The following NUMA1 variants were observed in gnomAD, a reference collection of about 807,000 sequenced individuals.
NUMA1 encodes the protein nuclear mitotic apparatus protein 1, also known as SP-H antigen.
NUMA1 carries 62 observed loss-of-function variants against 237.1 expected under a neutral mutation model. That is an observed-to-expected ratio of 0.26 (90% CI 0.21 to 0.32). NUMA1 has a LOEUF of 0.32. Ranked by LOEUF, NUMA1 falls within the 10% of genes least tolerant of loss-of-function variation. The pLI, the probability that NUMA1 is intolerant of heterozygous loss-of-function variation, is 1.00. For synonymous variants in NUMA1, 1,028 were observed against 1,066.1 expected (o/e 0.96, Z 0.70); for missense variants, 2,533 against 2,666.5 (o/e 0.95, Z 1.10).
At position 72,016,422 on chromosome 11, in the gene NUMA1, C is replaced by T. The variant is rs145461809; in HGVS notation, c.1228G>A (p.Gly410Ser). The T allele has an allele frequency of 2.0e-5, 33 of 1,613,926 alleles. No individual in the cohort carries two copies. In the African/African-American group the frequency reaches 4.1e-4, roughly 20 times the overall value. ...TGCATTCCTACCTGCAAGACATCACCCAGCACCTCGCCCTTCTCCTGGGGT... is the reference window on the plus strand; with the variant it reads ...TGCATTCCTACCTGCAAGACATCACTCAGCACCTCGCCCTTCTCCTGGGGT... ...NPPQEKGEVL[G>S]DVLQLETLKQ... Residue 410 changes from glycine to serine, a missense_variant, in exon 14 of 27, where the codon GGT becomes AGT. Gly to Ser is a moderately conservative substitution (Grantham distance 56). This residue lies in a region of NUMA1 where 1,414 missense variants were observed against 1,508.1 expected (regional missense o/e 0.94). Coordinates refer to ENST00000393695, the MANE Select transcript of NUMA1 (RefSeq NM_006185.4).
intron 5 of NUMA1, 31 bp from the exon 6 acceptor site, chr11:72,023,178 G>A: frequency 2.0e-6 from 3 of 1,485,382 alleles, no homozygotes; most frequent in South Asian, 1.1e-5. Context: ...AAAACAGGGT[G>A]AACTTCCTGG....
chr11:72,003,458 CAGT>C lies in NUMA1; in HGVS notation c.*66_*68del. On this transcript the variant is annotated 3_prime_UTR_variant, in exon 27 of 27. Transcript: ENST00000393695. Reference sequence around the variant, plus strand: ...AGCTGAGAGAAGGCACTGAGAGGGACAGTAGGCGGAGGACCAGGTGAGGTCAGC... The same window carrying C: ...AGCTGAGAGAAGGCACTGAGAGGGACAGGCGGAGGACCAGGTGAGGTCAGC... 6.8e-7 allele frequency: 1 copy of C among 1,476,294 alleles called. No individual in the cohort carries two copies. The allele number at this position is 1,476,294 out of a possible 1,614,324, so 91.4% of individuals were successfully genotyped here.
intron 2 of NUMA1, among the ~76,000 whole-genome samples, chr11:72,048,174 G>A (rs1160863515): frequency 6.6e-6 from 1 of 152,040 alleles, no homozygotes; most frequent in Non-Finnish European, 1.5e-5. Flanking sequence ...TCCGCTCACC[G>A]CAACCTCTGC....
chr11:72,060,962 C>G (rs1047965131), intron 2 of NUMA1, among the ~76,000 whole-genome samples: 10 of 152,164 alleles, frequency 6.6e-5, no homozygotes, highest in African/African-American at 1.9e-4. Context: ...CCCAGCTACT[C>G]AGGAGGCTGA....
At chr11:72,012,003 A>G (rs748601153) in intron 16 of NUMA1, among the ~76,000 whole-genome samples, 3 of 152,220 alleles carry the variant, frequency 2.0e-5, no homozygotes, top group African/African-American at 7.2e-5. Context: ...AAGGGACACC[A>G]TGTTAAACAA....
At chr11:72,079,669 A>C (rs1260842329) in intron 1 of NUMA1, among the ~76,000 whole-genome samples, 1 of 152,164 alleles carries the variant, frequency 6.6e-6, no homozygotes, top group East Asian at 1.9e-4. Context: ...TATAGTCATA[A>C]ATTTGTACTC....
At chr11:72,033,735 C>T (rs1481482920) in intron 3 of NUMA1, among the ~76,000 whole-genome samples, 1 of 152,080 alleles carries the variant, frequency 6.6e-6, no homozygotes, top group African/African-American at 2.4e-5. Flanking sequence ...TAAAACTAGT[C>T]TTAGGCCAGG....
At chr11:72,005,683 G>T (rs1427051174) in intron 22 of NUMA1, 3 of 492,956 alleles carry the variant, frequency 6.1e-6, no homozygotes, top group Non-Finnish European at 1.1e-5. Flanking sequence ...AATTCCCAGG[G>T]GCTCCCTGGT....
In NUMA1 at chr11:72,014,472, G is replaced by C. The variant is rs1269669587; in HGVS notation, c.3031C>G (p.Gln1011Glu). ...QQEREVARLT[Q>E]ERGRAQADLA... is the part of the protein sequence containing the mutation. The stretch of plus-strand genomic sequence containing the variant: ...TCAGCCTGGGCACGGCCCCGCTCCT[G>C]GGTCAGCCGCGCCACCTCCCTTTCC... Residue 1011 changes from glutamine (Q) to glutamate (E), a missense_variant, in exon 15 of 27, where the codon CAG (glutamine) becomes GAG (glutamate). Gln to Glu is a conservative substitution (Grantham distance 29, BLOSUM62 2). This residue lies in a region of NUMA1 where 1,414 missense variants were observed against 1,508.1 expected (regional missense o/e 0.94). Transcript: ENST00000393695. The surrounding 1 kb of genome is among the most constrained non-coding windows in gnomAD (Gnocchi z 4.6). 48 of 1,603,076 alleles carry C rather than the reference G, an allele frequency of 3.0e-5. No individual in the cohort carries two copies. The highest frequency in any genetic ancestry group is 4.0e-5 in the Non-Finnish European group (47 of 1,179,948).
At chr11:72,061,485 CTTT>C (rs767581846) in intron 2 of NUMA1, among the ~76,000 whole-genome samples, 2 of 117,318 alleles carry the variant, frequency 1.7e-5, no homozygotes, top group South Asian at 2.5e-4. Context: ...TGTTTCTTTT[CTTT>C]TTTTTTTTTT....
chr11:72,054,136 CAAAT>C (rs1221046247), intron 2 of NUMA1, among the ~76,000 whole-genome samples: 7 of 152,024 alleles, frequency 4.6e-5, no homozygotes, highest in South Asian at 2.1e-4. Flanking sequence ...CTTGAGTGAA[CAAAT>C]AAATGAACAT....
At chr11:72,067,964 C>A (rs1943273583) in intron 2 of NUMA1, 1 of 152,224 alleles carries the variant, frequency 6.6e-6, no homozygotes, top group South Asian at 2.1e-4. Context: ...CTAGGCTTGA[C>A]CCCTTCACCA....
At chr11:72,031,854 G>A (rs1940366638) in intron 3 of NUMA1, among the ~76,000 whole-genome samples, 1 of 151,820 alleles carries the variant, frequency 6.6e-6, no homozygotes, top group African/African-American at 2.4e-5. Context: ...TTTAGGCTAG[G>A]TGTGGTGGCT....
chr11:72,037,453 C>A (rs180961217), intron 2 of NUMA1, among the ~76,000 whole-genome samples: 4 of 152,052 alleles, frequency 2.6e-5, no homozygotes, highest in Non-Finnish European at 4.4e-5. Flanking sequence ...TTGCAGTGAG[C>A]CGAGATCGCA....
At position 72,004,008 on chromosome 11, in the gene NUMA1, G is replaced by A; in HGVS notation, c.6215C>T (p.Ala2072Val). The A allele has an allele frequency of 6.2e-7, 1 of 1,613,470 alleles. No homozygotes were observed. The highest frequency in any genetic ancestry group is 8.5e-7 in the Non-Finnish European group (1 of 1,179,662). Residue 2072 changes from alanine (A) to valine (V), a missense_variant, in exon 26 of 27, where the codon GCC becomes GTC. Around this residue, in one of 3 missense-constraint regions of NUMA1, gnomAD observed 795 missense variants for 750.8 expected, o/e 1.06. Coordinates refer to ENST00000393695, the MANE Select transcript of NUMA1 (RefSeq NM_006185.4). ...AGTGTTGGGGGAAGCCTTGGACAGG[G>A]CCTTCTTTGAGGCTCCCCGCCGCAG... ...SLLRRGASKK[A>V]LSKASPNTRS... is the part of the protein sequence containing the mutation.
chr11:72,035,782 AACTATTTAGTCTAG>A, intron 3 of NUMA1, 106 bp downstream of exon 3: 1 of 904,030 alleles, frequency 1.1e-6, no homozygotes, highest in African/African-American at 1.7e-5. Flanking sequence ...TCTAAAGGAA[AACTATTTAGTCTAG>A]AAATGAGAAG....
At chr11:72,045,442 C>T (rs183084310) in intron 2 of NUMA1, among the ~76,000 whole-genome samples, 1 of 152,300 alleles carries the variant, frequency 6.6e-6, no homozygotes. Flanking sequence ...AAAACTTTTA[C>T]AGAAAAGCAA....
chr11:72,037,562 GA>G (rs1301161096), intron 2 of NUMA1, among the ~76,000 whole-genome samples: 2 of 152,232 alleles, frequency 1.3e-5, no homozygotes, highest in South Asian at 4.1e-4. Context: ...TGGAAAATGG[GA>G]GACAATGACA....
rs746224697 is a variant in NUMA1, at chr11:72,009,065, G to A, written c.4960C>T (p.Arg1654Trp). The A allele has an allele frequency of 2.2e-5, 36 of 1,613,548 alleles. 1 individual carries two copies. Among genetic ancestry groups the A allele is most frequent in the Middle Eastern group, 1.6e-4 (1 of 6,084 alleles). The change falls in exon 19 of 27, where the codon CGG becomes TGG. Residue 1654 changes from arginine (R) to tryptophan (W), a missense_variant. Physicochemically the swap from Arg to Trp is moderately radical, Grantham distance 101 (BLOSUM62 -3). Coordinates refer to ENST00000393695, the MANE Select transcript of NUMA1 (RefSeq NM_006185.4). ...ENKELRAEAERLGHELQQAGL... is the reference protein window; with the variant it reads ...ENKELRAEAEWLGHELQQAGL... ...GCCTGCTGTAGCTCATGGCCCAGCC[G>A]TTCAGCTTCAGCTCGCAGCTCTTTG...
Sources: gnomAD v4.1 joint callset for allele counts (sites outside exome capture counted in the v4.1 genomes callset) on GRCh38, gnomAD v4.1.1 for gene constraint, gnomAD v4.1.1 regional missense constraint, Gnocchi (gnomAD v3.1) non-coding constraint, MANE v1.5 for transcripts, NCBI Gene and HGNC (gene_info 2026-07-23, HGNC 2026-07-21) for gene names.